RNGTT: variants seen among roughly 807,000 people sequenced by gnomAD.
RNGTT encodes the protein RNA guanylyltransferase and 5'-phosphatase, also known as mRNA-capping enzyme.
RNGTT carries 33 observed loss-of-function variants against 79.3 expected under a neutral mutation model. The ratio of observed to expected loss-of-function variants is 0.42; its 90% CI spans 0.32 to 0.56. The LOEUF is 0.56. Among genes scored for constraint, RNGTT ranks in the 20% least tolerant of loss-of-function variants. The pLI, the probability that RNGTT is intolerant of heterozygous loss-of-function variation, is 0.17. For synonymous variants in RNGTT, 222 were observed against 235.9 expected (o/e 0.94, Z 0.54); for missense variants, 497 against 739.1 (o/e 0.67, Z 3.80).
At chr6:88,844,331 T>G (rs377237873) in intron 11 of RNGTT, 26 bp downstream of exon 11, 17 of 1,595,718 alleles carry the variant, frequency 1.1e-5, no homozygotes, top group Non-Finnish European at 1.5e-5. Context: ...TTATTAGCAC[T>G]AATTTAAAAA....
At chr6:88,701,081 TGGAAGAAGA>T (rs1192562357) in intron 13 of RNGTT, among the ~76,000 whole-genome samples, 2 of 150,674 alleles carry the variant, frequency 1.3e-5, no homozygotes, top group African/African-American at 2.4e-5. Context: ...ATGTTACGTA[TGGAAGAAGA>T]GGAAGAAGTG....
intron 11 of RNGTT, among the ~76,000 whole-genome samples, chr6:88,831,884 G>C (rs1780880869): frequency 6.6e-6 from 1 of 152,296 alleles, no homozygotes; most frequent in East Asian, 1.9e-4. Flanking sequence ...ACTTACAAGG[G>C]ATGTGAATGA....
Position 88,835,975 on chromosome 6 carries a change from AACACACAC to A in RNGTT, c.1269+8374_1269+8381del, listed in dbSNP as rs72228554. The stretch of plus-strand genomic sequence containing the variant: ...ACAGCAAGACTCTGTCTCTATTAAA[AACACACAC>A]ACACACACACACACACACACACACA... On this transcript the variant is annotated intron_variant, in intron 11 of 15. Coordinates refer to ENST00000369485, the MANE Select transcript of RNGTT (RefSeq NM_003800.5). Among the ~76,000 whole-genome samples the A allele has an allele frequency of 2.9e-3, 326 of 113,766 alleles. 2 individuals are homozygous for A. Among genetic ancestry groups the A allele is most frequent in the African/African-American group, 7.7e-3 (224 of 28,966 alleles). 74.6% of individuals were successfully genotyped at this position (113,766 alleles called of 152,430 possible).
intron 11 of RNGTT, among the ~76,000 whole-genome samples, chr6:88,833,690 T>A (rs1406002376): frequency 6.6e-6 from 1 of 152,208 alleles, no homozygotes; most frequent in African/African-American, 2.4e-5. Context: ...ATTGATCAGA[T>A]TTAGGCAAAG....
At chr6:88,624,468 AATG>A (rs1254353827) in intron 14 of RNGTT, among the ~76,000 whole-genome samples, 1 of 151,914 alleles carries the variant, frequency 6.6e-6, no homozygotes, top group African/African-American at 2.4e-5. Context: ...GCACAAAGGC[AATG>A]CAATGAAGAA....
chr6:88,929,143 G>T (rs1454526783), intron 3 of RNGTT, 21 bp downstream of exon 3: 1 of 1,559,216 alleles, frequency 6.4e-7, no homozygotes, highest in Non-Finnish European at 8.8e-7. Context: ...CAATATTAAA[G>T]AATCTTAATA....
intron 6 of RNGTT, among the ~76,000 whole-genome samples, chr6:88,893,503 CAT>C (rs768067294): frequency 2.0e-5 from 3 of 152,076 alleles, no homozygotes; most frequent in Non-Finnish European, 4.4e-5. Flanking sequence ...AGGACTAACA[CAT>C]AGAAAATATG....
Position 88,773,225 on chromosome 6 carries a change from AAAAC to A in RNGTT, c.1339-3355_1339-3352del, listed in dbSNP as rs1166638136. On this transcript the variant is annotated intron_variant, in intron 12 of 15. Transcript: ENST00000369485. Reference sequence around the variant, plus strand: ...CTCAGTAAACTATCGCAAGAACAAAAAAACAAACACCGCATATTCTCACTCATAG... The same window carrying A: ...CTCAGTAAACTATCGCAAGAACAAAAAAACACCGCATATTCTCACTCATAG... 2.5e-3 allele frequency among the ~76,000 whole-genome samples: 380 copies of A among 150,794 alleles called. 2 individuals carry two copies. Among genetic ancestry groups the A allele is most frequent in the African/African-American group, 9.0e-3 (368 of 41,076 alleles).
chr6:88,905,028 T>G (rs1783606647), intron 5 of RNGTT, 73 bp from the exon 6 acceptor site: 5 of 1,543,888 alleles, frequency 3.2e-6, no homozygotes, highest in Non-Finnish European at 4.4e-6. Flanking sequence ...ACTCACTTAT[T>G]ATATTCAAGG....
At chr6:88,826,826 A>G (rs12173332) in intron 11 of RNGTT, among the ~76,000 whole-genome samples, 2,234 of 20,842 alleles carry the variant, frequency 0.11, 43 homozygotes, top group African/African-American at 0.18. Flanking sequence ...ATGTGTGTGT[A>G]TATATATATA....
chr6:88,848,247 A>G (rs1438383107), intron 10 of RNGTT, among the ~76,000 whole-genome samples: 1 of 152,050 alleles, frequency 6.6e-6, no homozygotes, highest in Non-Finnish European at 1.5e-5. Context: ...TCTGAGAGAA[A>G]TTTAGCAATG....
At chr6:88,945,773 G>A (rs1784988385) in intron 1 of RNGTT, among the ~76,000 whole-genome samples, 1 of 152,170 alleles carries the variant, frequency 6.6e-6, no homozygotes. Flanking sequence ...TGGCCAATGG[G>A]ATACGGGCCA....
chr6:88,677,957 T>C (rs1051172062), intron 14 of RNGTT: 2 of 153,422 alleles, frequency 1.3e-5, no homozygotes, highest in Admixed American at 1.3e-4. Context: ...CAAAAGCTTA[T>C]GAAATTATCA....
At chr6:88,778,556 A>G (rs1778965296) in intron 12 of RNGTT, among the ~76,000 whole-genome samples, 1 of 152,166 alleles carries the variant, frequency 6.6e-6, no homozygotes, top group Admixed American at 6.5e-5. Flanking sequence ...TCACAGGTGC[A>G]GTCACAGCAC....
At chr6:88,826,858 A>G (rs1476002070) in intron 11 of RNGTT, among the ~76,000 whole-genome samples, 3 of 145,186 alleles carry the variant, frequency 2.1e-5, no homozygotes, top group African/African-American at 7.7e-5. Context: ...GTGTGTGTAT[A>G]TATATATATA....
At chr6:88,907,529 T>G (rs955354915) in intron 4 of RNGTT, among the ~76,000 whole-genome samples, 4 of 152,188 alleles carry the variant, frequency 2.6e-5, no homozygotes, top group African/African-American at 7.2e-5. Context: ...TCCCCAGGCA[T>G]GCACAACTGT....
intron 13 of RNGTT, among the ~76,000 whole-genome samples, chr6:88,764,691 T>G (rs1432073041): frequency 6.6e-6 from 1 of 152,196 alleles, no homozygotes; most frequent in African/African-American, 2.4e-5. Context: ...CACCATGCTA[T>G]GTACTAAGAA....
chr6:88,802,031 T>C lies in RNGTT; in HGVS notation c.1270-399A>G, dbSNP rs188425221. ...TGAAAGTAGAAACTCTGGAAAGTAA[T>C]AGATAAAAGGAATAAAAAATAAACA... On this transcript the variant is annotated intron_variant, in intron 11 of 15. Transcript: ENST00000369485. Among the ~76,000 whole-genome samples, 45 of 152,034 alleles carry C rather than the reference T, an allele frequency of 3.0e-4. No homozygotes were observed. The East Asian group carries it at 8.3e-3, about 28-fold the overall frequency.
chr6:88,890,487 T>A lies in RNGTT; in HGVS notation c.896+8A>T. 6.4e-7 allele frequency: 1 copy of A among 1,567,826 alleles called. No individual in the cohort carries two copies. The highest frequency in any genetic ancestry group is 8.7e-7 in the Non-Finnish European group (1 of 1,143,262). On this transcript the variant is annotated splice_region_variant and intron_variant, in intron 8 of 15. Transcript: ENST00000369485. ...TATTTGTGTAATTTTTTTAGAAGTC[T>A]AACTTACCGAGTACCATCTGCTTTC...
Sources: allele counts gnomAD v4.1 joint callset (sites outside exome capture counted in the v4.1 genomes callset), GRCh38; gene constraint gnomAD v4.1.1; transcripts MANE v1.5; gene names NCBI Gene and HGNC (gene_info 2026-07-23, HGNC 2026-07-21).